EYA4: variants seen among roughly 807,000 people sequenced by gnomAD.
EYA4 encodes the protein protein phosphatase EYA4.
Under a neutral mutation model 87.9 loss-of-function variants are expected in EYA4, and 31 were observed. The ratio of observed to expected loss-of-function variants is 0.35; its 90% confidence interval spans 0.27 to 0.48. The LOEUF (loss-of-function observed/expected upper bound fraction) is 0.48, where lower values mean the gene tolerates loss of function less well. Among genes scored for constraint, EYA4 ranks in the 20% least tolerant of loss-of-function variants. The pLI is 0.99. For synonymous variants in EYA4, 263 were observed against 270.6 expected (o/e 0.97, Z 0.28); for missense variants, 678 against 761.4 (o/e 0.89, Z 1.29).
intron 2 of EYA4, among the ~76,000 whole-genome samples, chr6:133,355,582 G>A (rs2128434712): frequency 1.3e-5 from 2 of 152,274 alleles, no homozygotes; most frequent in South Asian, 4.1e-4. Flanking sequence ...GTTCTCTAAT[G>A]ATTGCAGTTT....
chr6:133,369,066 A>T (rs1785070236), intron 2 of EYA4, among the ~76,000 whole-genome samples: 1 of 152,236 alleles, frequency 6.6e-6, no homozygotes. Flanking sequence ...CAAATTAGAG[A>T]CAGGAAATGC....
intron 2 of EYA4, among the ~76,000 whole-genome samples, chr6:133,319,385 C>T (rs890862822): frequency 6.6e-6 from 1 of 152,126 alleles, no homozygotes; most frequent in Middle Eastern, 3.4e-3. Context: ...TGGATTGCGC[C>T]TTTTTTTCTT....
chr6:133,512,670 G>C, intron 14 of EYA4, 51 bp from the exon 15 acceptor site: 5 of 1,402,162 alleles, frequency 3.6e-6, no homozygotes, highest in Middle Eastern at 1.8e-4. Flanking sequence ...CTTCAAGCAT[G>C]GTAACAAGCA....
At chr6:133,385,391 CTGTGTGTGTGTGTGTGTGTGTG>C (rs66881281) in intron 3 of EYA4, among the ~76,000 whole-genome samples, 13 of 115,336 alleles carry the variant, frequency 1.1e-4, no homozygotes, top group African/African-American at 3.5e-4. Flanking sequence ...TATGCTCTCT[CTGTGTGTGTGTGTGTGTGTGTG>C]TGTGTGTGTG....
At position 133,530,124 on chromosome 6, in the gene EYA4, T is replaced by G; in HGVS notation, c.*1319T>G. ...GAGTCTATGAAAATTTTACCTAGAA[T>G]ATCATCATAAATTAAATTAGCAAGT... On this transcript the variant is annotated 3_prime_UTR_variant, in exon 20 of 20. Coordinates refer to ENST00000355286, the MANE Select transcript of EYA4 (RefSeq NM_004100.5). 1.0e-6 allele frequency: 1 copy of G among 985,204 alleles called. No homozygotes were observed. The highest frequency in any genetic ancestry group is 1.2e-6 in the Non-Finnish European group (1 of 829,698). The allele number at this position is 985,204 out of a possible 1,614,324, so 61.0% of individuals were successfully genotyped here.
At chr6:133,385,384 GCT>G (rs201154475) in intron 3 of EYA4, among the ~76,000 whole-genome samples, 2,416 of 89,416 alleles carry the variant, frequency 0.027, 76 homozygotes, top group African/African-American at 0.066. Context: ...GTGTATGTAT[GCT>G]CTCTCTGTGT....
At chr6:133,384,860 A>AT (rs1786559765) in intron 3 of EYA4, among the ~76,000 whole-genome samples, 1 of 152,228 alleles carries the variant, frequency 6.6e-6, no homozygotes, top group Admixed American at 6.5e-5. Context: ...TAGTGAACAA[A>AT]TTATATGCAT....
chr6:133,507,386 T>A (rs1001992913), intron 14 of EYA4: 4 of 151,668 alleles, frequency 2.6e-5, no homozygotes, highest in Non-Finnish European at 5.9e-5. Flanking sequence ...ATAACTTTTT[T>A]TTTTAATGCT....
intron 14 of EYA4, chr6:133,510,561 T>C (rs1376487171): frequency 8.3e-6 from 2 of 242,062 alleles, no homozygotes; most frequent in Non-Finnish European, 1.7e-5. Context: ...GTTACTATCA[T>C]TGCTTGCAAT....
At chr6:133,335,321 A>G (rs1313687968) in intron 2 of EYA4, among the ~76,000 whole-genome samples, 1 of 152,200 alleles carries the variant, frequency 6.6e-6, no homozygotes, top group Non-Finnish European at 1.5e-5. Context: ...ACATCTTTAT[A>G]TACACTTTCA....
chr6:133,294,348 T>G (rs1197248470), intron 2 of EYA4, among the ~76,000 whole-genome samples: 3 of 150,824 alleles, frequency 2.0e-5, no homozygotes, highest in Admixed American at 6.6e-5. Context: ...TTTCTGTTTT[T>G]TTTTTGTTTT....
At chr6:133,386,988 T>G (rs1048610129) in intron 3 of EYA4, among the ~76,000 whole-genome samples, 2 of 152,214 alleles carry the variant, frequency 1.3e-5, no homozygotes, top group African/African-American at 4.8e-5. Flanking sequence ...GGCCTGTGTC[T>G]TCTTGCCCTA....
rs141406489 is a variant in EYA4 at position 133,307,828 on chromosome 6, G to A, written c.33+33015G>A. Among the ~76,000 whole-genome samples the A allele has an allele frequency of 4.0e-3, 609 of 152,236 alleles. 5 individuals carry two copies. The highest frequency in any genetic ancestry group is 0.014 in the African/African-American group (591 of 41,544). On this transcript the variant is annotated intron_variant, in intron 2 of 19. Coordinates refer to ENST00000355286, the MANE Select transcript of EYA4 (RefSeq NM_004100.5). The stretch of plus-strand genomic sequence containing the variant: ...CTGTAGAACCTGCTGGAGGTTACAT[G>A]GCTAGTGATATGGTTTGATTGTGTC...
chr6:133,333,741 C>T (rs918835578), intron 2 of EYA4, among the ~76,000 whole-genome samples: 4 of 151,896 alleles, frequency 2.6e-5, no homozygotes, highest in African/African-American at 9.7e-5. Flanking sequence ...TTAGCAAGAA[C>T]ACTTAATATA....
At chr6:133,416,169 A>C (rs978864472) in intron 3 of EYA4, among the ~76,000 whole-genome samples, 24 of 152,328 alleles carry the variant, frequency 1.6e-4, no homozygotes, top group East Asian at 1.9e-4. Context: ...ACCTTTATGG[A>C]GGGAATACTC....
intron 2 of EYA4, among the ~76,000 whole-genome samples, chr6:133,281,506 CT>C (rs1777623600): frequency 6.6e-6 from 1 of 152,186 alleles, no homozygotes; most frequent in Non-Finnish European, 1.5e-5. Context: ...TTCACAAATA[CT>C]TACTCCTATG....
At chr6:133,476,656 G>A (rs1341896277) in intron 11 of EYA4, among the ~76,000 whole-genome samples, 4 of 151,988 alleles carry the variant, frequency 2.6e-5, no homozygotes, top group Admixed American at 2.0e-4. Context: ...ATCCATTGAT[G>A]AACACTTAGG....
At chr6:133,499,290 T>C (rs1797906590) in intron 13 of EYA4, among the ~76,000 whole-genome samples, 1 of 152,172 alleles carries the variant, frequency 6.6e-6, no homozygotes, top group Non-Finnish European at 1.5e-5. Context: ...CTGAGGAGCC[T>C]CGTGAGGTGT....
At chr6:133,299,764 T>TAAAATAAAAA (rs1779231180) in intron 2 of EYA4, among the ~76,000 whole-genome samples, 1 of 149,196 alleles carries the variant, frequency 6.7e-6, no homozygotes, top group African/African-American at 2.5e-5. Flanking sequence ...TAAAATAAAA[T>TAAAATAAAAA]AAAAACACTT....
Sources: gnomAD v4.1 joint callset for allele counts (sites outside exome capture counted in the v4.1 genomes callset) on GRCh38, gnomAD v4.1.1 for gene constraint, MANE v1.5 for transcripts, NCBI Gene and HGNC (gene_info 2026-07-23, HGNC 2026-07-21) for gene names.